MED1: variants seen among roughly 807,000 people sequenced by gnomAD.
MED1 encodes the protein mediator of RNA polymerase II transcription subunit 1.
MED1 carries 17 observed loss-of-function variants against 121.3 expected under a neutral mutation model. The ratio of observed to expected loss-of-function variants is 0.14; its 90% CI spans 0.10 to 0.21. The LOEUF is 0.21. Among genes scored for constraint, MED1 ranks in the 10% least tolerant of loss-of-function variants. The pLI is 1.00. For missense variants in MED1, 1,558 were observed against 1,919.4 expected, an observed-to-expected ratio of 0.81 and a Z score of 3.52; for synonymous variants, 661 against 694.4, an observed-to-expected ratio of 0.95 and a Z score of 0.76.
intron 7 of MED1, 82 bp downstream of exon 7, chr17:39,434,167 G>T: frequency 1.1e-6 from 1 of 885,712 alleles, no homozygotes; most frequent in South Asian, 1.6e-5. Context: ...AGCAGAAGAG[G>T]TGGCAAATTT....
rs536622063 is a variant in MED1 at position 39,450,537 on chromosome 17, T to C, written c.25+501A>G. On this transcript the variant is annotated intron_variant, in intron 1 of 16. Coordinates refer to ENST00000300651, the MANE Select transcript of MED1 (RefSeq NM_004774.4). ...ATCTTAGTAAAGTTCCACAGAAAAG[T>C]TGTTTTTCTGCAGTTCGTAGTTCGG... is the stretch of plus-strand genomic sequence containing the variant. Among the ~76,000 whole-genome samples the C allele has an allele frequency of 1.1e-4, 17 of 152,290 alleles. No homozygotes were observed. In the South Asian group the frequency reaches 3.3e-3, roughly 30 times the overall value.
intron 6 of MED1, among the ~76,000 whole-genome samples, chr17:39,434,900 T>G (rs576487213): frequency 6.6e-6 from 1 of 152,238 alleles, no homozygotes; most frequent in African/African-American, 2.4e-5. Context: ...GGCACAGTCC[T>G]CGCGCCTGTA....
Position 39,410,286 on chromosome 17 carries a change from G to C in MED1, c.1935C>G (p.Leu645=). 1.9e-6 allele frequency: 3 copies of C among 1,614,030 alleles called. No individual in the cohort carries two copies. The highest frequency in any genetic ancestry group is 2.5e-6 in the Non-Finnish European group (3 of 1,180,018). ...MAGNTKNHPM[L]MNLLKDNPAQ... ...CAGGATTATCTTTAAGAAGGTTCATGAGCATCGGGTGGTTCTTGGTGTTGC... is the reference window on the plus strand; with the variant it reads ...CAGGATTATCTTTAAGAAGGTTCATCAGCATCGGGTGGTTCTTGGTGTTGC... The change falls in exon 17 of 17, where the codon CTC becomes CTG. Residue 645 remains leucine, a synonymous_variant. Coordinates refer to ENST00000300651, the MANE Select transcript of MED1 (RefSeq NM_004774.4).
intron 10 of MED1, among the ~76,000 whole-genome samples, 165 bp from the exon 11 acceptor site, chr17:39,424,903 A>G (rs759905330): frequency 6.7e-5 from 10 of 149,950 alleles, no homozygotes; most frequent in Non-Finnish European, 1.3e-4. Context: ...ATTTTGAGAC[A>G]GAGTCTTGCT....
chr17:39,409,450 T>A lies in MED1; in HGVS notation c.2771A>T (p.Asn924Ile). The A allele has an allele frequency of 6.2e-7, 1 of 1,614,114 alleles. No homozygotes were observed. Among genetic ancestry groups the A allele is most frequent in the Non-Finnish European group, 8.5e-7 (1 of 1,180,024 alleles). The change falls in exon 17 of 17, where the codon AAC (asparagine) becomes ATC (isoleucine). Residue 924 changes from asparagine (N) to isoleucine (I), a missense_variant. Physicochemically the swap from Asn to Ile is moderately radical, Grantham distance 149. Transcript: ENST00000300651. ...ACTGAAATCAACTGTGTCGGCTTGG[T>A]TATTGCCCTTAAACTTGGTCTCCCC... ...DNGETKFKGN[N>I]QADTVDFSII...
At chr17:39,427,924 C>T (rs2048529946) in intron 9 of MED1, 134 bp from the exon 10 acceptor site, 3 of 585,188 alleles carry the variant, frequency 5.1e-6, no homozygotes, top group Non-Finnish European at 8.6e-6. Flanking sequence ...TCCAAAACAG[C>T]TTATGAAATA....
intron 3 of MED1, among the ~76,000 whole-genome samples, chr17:39,442,253 T>G (rs1240454197): frequency 6.6e-6 from 1 of 152,132 alleles, no homozygotes; most frequent in Non-Finnish European, 1.5e-5. Context: ...TACATTTGCT[T>G]TCCTGGAAAT....
Position 39,407,846 on chromosome 17 carries a change from G to T in MED1, c.4375C>A (p.Gln1459Lys). The change falls in exon 17 of 17, where the codon CAG becomes AAG. Residue 1459 changes from glutamine (Q) to lysine (K), a missense_variant. Physicochemically the swap from Gln to Lys is moderately conservative, Grantham distance 53. Coordinates refer to ENST00000300651, the MANE Select transcript of MED1 (RefSeq NM_004774.4). Reference protein sequence around the residue: ...SHSKSPAYTPQNLDSESESGS... With the variant: ...SHSKSPAYTPKNLDSESESGS... ...GACTCACTTTCACTGTCCAGATTCTGGGGGGTATATGCTGGTGACTTACTA... is the reference window on the plus strand; with the variant it reads ...GACTCACTTTCACTGTCCAGATTCTTGGGGGTATATGCTGGTGACTTACTA... The T allele has an allele frequency of 6.2e-7, 1 of 1,614,052 alleles. No homozygotes were observed. The highest frequency in any genetic ancestry group is 8.5e-7 in the Non-Finnish European group (1 of 1,179,982).
intron 10 of MED1, 141 bp from the exon 11 acceptor site, chr17:39,424,879 GTATT>G (rs1436221737): frequency 1.0e-4 from 59 of 580,136 alleles, no homozygotes; most frequent in Middle Eastern, 4.5e-4. Context: ...ATTTATTTAT[GTATT>G]TATTTATTTA....
intron 2 of MED1, among the ~76,000 whole-genome samples, chr17:39,446,354 G>T (rs907974932): frequency 1.3e-5 from 2 of 150,088 alleles, no homozygotes; most frequent in Admixed American, 1.3e-4. Flanking sequence ...GGAGGCTGAG[G>T]CAGGAGAACG....
chr17:39,419,686 T>A, intron 14 of MED1, 31 bp downstream of exon 14: 1 of 1,572,308 alleles, frequency 6.4e-7, no homozygotes, highest in Admixed American at 1.7e-5. Flanking sequence ...GTTTCCATCT[T>A]CCAGTAAGCA....
Position 39,405,563 on chromosome 17 carries a change from A to G in MED1, c.*1912T>C. The G allele has an allele frequency of 7.6e-7, 1 of 1,323,610 alleles. No homozygotes were observed. Among genetic ancestry groups the G allele is most frequent in the Non-Finnish European group, 9.7e-7 (1 of 1,034,740 alleles). 82.0% of individuals were successfully genotyped at this position (1,323,610 alleles called of 1,614,324 possible). ...TGAATGTCTGAGAGGCTGCTACTGT[A>G]TCAACATCACAAGATAAAGCACTCT... On this transcript the variant is annotated 3_prime_UTR_variant, in exon 17 of 17. Coordinates refer to ENST00000300651, the MANE Select transcript of MED1 (RefSeq NM_004774.4).
intron 10 of MED1, among the ~76,000 whole-genome samples, chr17:39,425,800 T>TG (rs1009451013): frequency 2.1e-5 from 3 of 142,924 alleles, no homozygotes; most frequent in African/African-American, 8.1e-5. Flanking sequence ...AGACTCTGTC[T>TG]GGGGAAAAAA....
intron 6 of MED1, among the ~76,000 whole-genome samples, chr17:39,438,596 C>A (rs562101552): frequency 1.8e-4 from 27 of 152,096 alleles, no homozygotes; most frequent in African/African-American, 6.3e-4. Context: ...CATGATCCAC[C>A]CGCCTCAGCC....
chr17:39,432,032 G>A lies in MED1; in HGVS notation c.501-16C>T. ...CTTCAGTTTGCTGGAGAGTAGATGA[G>A]AAGAACATGAGTTAATAGTTGAAAA... On this transcript the variant is annotated splice_polypyrimidine_tract_variant and intron_variant, in intron 7 of 16. Coordinates refer to ENST00000300651, the MANE Select transcript of MED1 (RefSeq NM_004774.4). 6.4e-7 allele frequency: 1 copy of A among 1,570,784 alleles called. No individual in the cohort carries two copies.
intron 6 of MED1, among the ~76,000 whole-genome samples, chr17:39,436,605 T>C (rs1424193813): frequency 2.6e-5 from 4 of 152,198 alleles, no homozygotes; most frequent in Admixed American, 1.3e-4. Context: ...TAAAAGCGAC[T>C]GTCTTCAAGC....
Position 39,420,628 on chromosome 17 carries a change from C to CTTA in MED1, c.1096-713_1096-711dup, listed in dbSNP as rs564032898. 8.2e-4 allele frequency among the ~76,000 whole-genome samples: 124 copies of CTTA among 151,344 alleles called. No homozygotes were observed. The East Asian group carries it at 0.013, about 15-fold the overall frequency. On this transcript the variant is annotated intron_variant, in intron 13 of 16. Coordinates refer to ENST00000300651, the MANE Select transcript of MED1 (RefSeq NM_004774.4). ...TCCAGATGAGGTTTTGGAACGTTCCCTTATTATTATTATTATTACTTTTGA... is the reference window on the plus strand; with the variant it reads ...TCCAGATGAGGTTTTGGAACGTTCCCTTATTATTATTATTATTATTACTTTTGA...
At chr17:39,430,110 G>A (rs1324131723) in intron 9 of MED1, among the ~76,000 whole-genome samples, 2 of 151,886 alleles carry the variant, frequency 1.3e-5, no homozygotes, top group Non-Finnish European at 2.9e-5. Context: ...GATTGGTGCA[G>A]TGGCTAATAC....
chr17:39,440,253 G>T lies in MED1; in HGVS notation c.399+133C>A. On this transcript the variant is annotated intron_variant, in intron 5 of 16. Coordinates refer to ENST00000300651, the MANE Select transcript of MED1 (RefSeq NM_004774.4). This position sits in a 1 kb window ranked among gnomAD's most constrained non-coding sequence, Gnocchi z 4.1. ...CCATTCTATAGCTGTTGATTTTGTA[G>T]CCCATCACATCATCTCTACAGTGGC... The T allele has an allele frequency of 1.2e-6, 1 of 828,026 alleles. No homozygotes were observed. Among genetic ancestry groups the T allele is most frequent in the Non-Finnish European group, 1.8e-6 (1 of 553,680 alleles). The allele number at this position is 828,026 out of a possible 1,614,324, so 51.3% of individuals were successfully genotyped here.
Sources: gnomAD v4.1 joint callset for allele counts (sites outside exome capture counted in the v4.1 genomes callset) on GRCh38, gnomAD v4.1.1 for gene constraint, Gnocchi (gnomAD v3.1) non-coding constraint, MANE v1.5 for transcripts, NCBI Gene and HGNC (gene_info 2026-07-23, HGNC 2026-07-21) for gene names.